Variants in ANLN observed in about 807,000 individuals in gnomAD.
The protein encoded by ANLN is anillin.
ANLN carries 59 observed loss-of-function variants against 135.1 expected under a neutral mutation model. The ratio of observed to expected loss-of-function variants is 0.44; its 90% CI spans 0.35 to 0.54. The LOEUF is 0.54. Among genes scored for constraint, ANLN ranks in the 20% least tolerant of loss-of-function variants. The probability of loss-of-function intolerance (pLI) is 0.00; values close to 1 mark genes in which losing one functional copy is unlikely to be tolerated. For missense variants in ANLN, 1,182 were observed against 1,340.0 expected (o/e 0.88, Z 1.84); for synonymous variants, 406 against 456.4 (o/e 0.89, Z 1.41).
intron 3 of ANLN, among the ~76,000 whole-genome samples, chr7:36,400,422 C>T (rs1786896128): frequency 6.6e-6 from 1 of 152,072 alleles, no homozygotes; most frequent in Admixed American, 6.5e-5. Flanking sequence ...TGCAGCAGCA[C>T]AGTCTTGGCT....
At chr7:36,390,818 T>C (rs577968486) in intron 1 of ANLN, among the ~76,000 whole-genome samples, 1 of 145,022 alleles carries the variant, frequency 6.9e-6, no homozygotes, top group East Asian at 2.0e-4. Context: ...TAGTTTTAGC[T>C]TTTGTGGAGA....
chr7:36,422,481 C>T (rs1787916566), intron 13 of ANLN, 152 bp from the exon 14 acceptor site: 1 of 677,994 alleles, frequency 1.5e-6, no homozygotes, highest in Non-Finnish European at 2.3e-6. Context: ...CCAAGGTTTT[C>T]CCCAACCACC....
At chr7:36,403,657 A>G (rs1013634430) in intron 3 of ANLN, 1 of 151,644 alleles carries the variant, frequency 6.6e-6, no homozygotes, top group Non-Finnish European at 1.5e-5. Context: ...GGGGATGTTT[A>G]TTTTTTTTGA....
chr7:36,406,234 G>C lies in ANLN; in HGVS notation c.541G>C (p.Ala181Pro). 2 of 1,613,368 alleles carry C rather than the reference G, an allele frequency of 1.2e-6. No homozygotes were observed. The highest frequency in any genetic ancestry group is 2.2e-5 in the South Asian group (2 of 91,068). The change falls in exon 4 of 24, where the codon GCT becomes CCT. Residue 181 changes from alanine (A) to proline (P), a missense_variant. This residue lies in a region of ANLN where 1,022 missense variants were observed against 1,134.0 expected (regional missense o/e 0.90). Transcript: ENST00000265748. ...FSPMPSEEKAASPPRPLLSNA... is the reference protein window; with the variant it reads ...FSPMPSEEKAPSPPRPLLSNA... ...ACCAATGCCATCAGAGGAAAAGGCT[G>C]CTTCCCCTCCCAGACCTCTGCTTTC... is the stretch of plus-strand genomic sequence containing the variant.
chr7:36,442,783 C>T lies in ANLN; in HGVS notation c.2971-972C>T, dbSNP rs1032917614. Among the ~76,000 whole-genome samples the T allele has an allele frequency of 3.9e-5, 6 of 152,050 alleles. No individual in the cohort carries two copies. In the South Asian group the frequency reaches 6.2e-4, roughly 16 times the overall value. On this transcript the variant is annotated intron_variant, in intron 21 of 23. Transcript: ENST00000265748. The stretch of plus-strand genomic sequence containing the variant: ...AGTAGCTGAGACTACAGATGCTCAC[C>T]GCCACGCCTGGCTAATTTTTGTATT...
At chr7:36,400,188 C>G (rs1200564027) in intron 3 of ANLN, among the ~76,000 whole-genome samples, 2 of 152,178 alleles carry the variant, frequency 1.3e-5, no homozygotes, top group Non-Finnish European at 2.9e-5. Flanking sequence ...ACATGACTAA[C>G]AAGCTAAAAG....
At chr7:36,452,167 C>T (rs1668169449) in intron 23 of ANLN, among the ~76,000 whole-genome samples, 1 of 152,162 alleles carries the variant, frequency 6.6e-6, no homozygotes, top group South Asian at 2.1e-4. Context: ...TGCCCACACT[C>T]AGTGGGTGTC....
chr7:36,414,206 C>T (rs1438331847), intron 7 of ANLN, among the ~76,000 whole-genome samples: 1 of 152,100 alleles, frequency 6.6e-6, no homozygotes, highest in Non-Finnish European at 1.5e-5. Context: ...GCAAGAGGAG[C>T]AGAGCCAGTG....
At chr7:36,434,062 A>T (rs973906963) in intron 20 of ANLN, among the ~76,000 whole-genome samples, 1 of 151,706 alleles carries the variant, frequency 6.6e-6, no homozygotes, top group Non-Finnish European at 1.5e-5. Flanking sequence ...ACTTTTTCAC[A>T]TGTCTTGTAA....
At position 36,389,862 on chromosome 7, in the gene ANLN, G is replaced by A. The variant is rs1051586684; in HGVS notation, c.-165G>A. ...TCAAATTTGAACGGCTGCAGAGGCC[G>A]AGTCCGTCACTGGAAGCCGAGAGGA... is the stretch of plus-strand genomic sequence containing the variant. On this transcript the variant is annotated 5_prime_UTR_variant, in exon 1 of 24. Coordinates refer to ENST00000265748, the MANE Select transcript of ANLN (RefSeq NM_018685.5). 1.6e-6 allele frequency: 2 copies of A among 1,281,514 alleles called. No homozygotes were observed. Among genetic ancestry groups the A allele is most frequent in the Non-Finnish European group, 2.2e-6 (2 of 907,160 alleles). 79.4% of individuals were successfully genotyped at this position (1,281,514 alleles called of 1,614,324 possible).
rs759018899 is a variant in ANLN, at chr7:36,406,580, A to G, written c.873+14A>G. 8 of 1,478,768 alleles carry G rather than the reference A, an allele frequency of 5.4e-6. No individual in the cohort carries two copies. The highest frequency in any genetic ancestry group is 1.8e-6 in the Non-Finnish European group (2 of 1,116,792). The allele number at this position is 1,478,768 out of a possible 1,614,324, so 91.6% of individuals were successfully genotyped here. On this transcript the variant is annotated intron_variant, in intron 4 of 23. Transcript: ENST00000265748. ...TCCAGCTCTGTGGTAAGTCAGTATC[A>G]TTTTGGTCTTTGGAAGCCTTTTCTT...
intron 12 of ANLN, 129 bp downstream of exon 12, chr7:36,420,873 A>T: frequency 1.2e-6 from 1 of 813,632 alleles, no homozygotes. Context: ...GATGCATAGA[A>T]GCTCAGTAAA....
chr7:36,443,649 A>G, intron 21 of ANLN, 106 bp from the exon 22 acceptor site: 1 of 641,058 alleles, frequency 1.6e-6, no homozygotes, highest in East Asian at 2.9e-5. Context: ...AGGTTTTGAG[A>G]TATGAAATAT....
rs768257143 is a variant in ANLN at position 36,420,665 on chromosome 7, G to A, written c.2084G>A (p.Arg695Gln). Residue 695 changes from arginine (R) to glutamine (Q), a missense_variant, in exon 12 of 24, where the codon CGG (arginine) becomes CAG (glutamine). Arg to Gln is a conservative substitution (Grantham distance 43, BLOSUM62 1). This residue lies in a region of ANLN where 1,022 missense variants were observed against 1,134.0 expected (regional missense o/e 0.90). Coordinates refer to ENST00000265748, the MANE Select transcript of ANLN (RefSeq NM_018685.5). ...ERPSIKQVIVRKEDVTSKLDE... is the reference protein window; with the variant it reads ...ERPSIKQVIVQKEDVTSKLDE... Reference sequence around the variant, plus strand: ...CCATCAATAAAGCAGGTGATTGTTCGGAAGGAAGATGTTACTTCAAAACTG... The same window carrying A: ...CCATCAATAAAGCAGGTGATTGTTCAGAAGGAAGATGTTACTTCAAAACTG... 6.2e-6 allele frequency: 10 copies of A among 1,613,172 alleles called. No individual in the cohort carries two copies. Among genetic ancestry groups the A allele is most frequent in the African/African-American group, 5.3e-5 (4 of 74,878 alleles).
At chr7:36,427,785 T>C (rs1188578290) in intron 20 of ANLN, among the ~76,000 whole-genome samples, 1 of 152,256 alleles carries the variant, frequency 6.6e-6, no homozygotes, top group Non-Finnish European at 1.5e-5. Context: ...TACTTCCCTT[T>C]CATATTAGAA....
At chr7:36,417,984 C>T (rs1435896778) in intron 9 of ANLN, among the ~76,000 whole-genome samples, 1 of 152,074 alleles carries the variant, frequency 6.6e-6, no homozygotes, top group Non-Finnish European at 1.5e-5. Flanking sequence ...CCAGGGCTCT[C>T]AAACTTCTAA....
Position 36,390,751 on chromosome 7 carries a change from C to A in ANLN, c.18+707C>A, listed in dbSNP as rs148514977. Among the ~76,000 whole-genome samples, 220 of 152,318 alleles carry A rather than the reference C, an allele frequency of 1.4e-3. 1 individual carries two copies. The highest frequency in any genetic ancestry group is 5.0e-3 in the African/African-American group (209 of 41,580). On this transcript the variant is annotated intron_variant, in intron 1 of 23. Transcript: ENST00000265748. ...GGGCATATCATTACAGTACTTATTT[C>A]ATCTTTTGTTCCTTTGAGATTGCAT... is the stretch of plus-strand genomic sequence containing the variant.
Position 36,452,528 on chromosome 7 carries a change from A to T in ANLN, c.3303A>T (p.Lys1101Asn). Residue 1101 changes from lysine to asparagine, a missense_variant, in exon 24 of 24, where the codon AAA (lysine) becomes AAT (asparagine). This residue lies in a region of ANLN where 78 missense variants were observed against 72.7 expected (regional missense o/e 1.07). Coordinates refer to ENST00000265748, the MANE Select transcript of ANLN (RefSeq NM_018685.5). ...TKEERDLWMQ[K>N]LNQVLVDIRL... ...AAGAGCGGGATCTCTGGATGCAAAA[A>T]CTCAATCAAGTTCTTGTTGATATTC... is the stretch of plus-strand genomic sequence containing the variant. The T allele has an allele frequency of 6.2e-7, 1 of 1,613,830 alleles. No individual in the cohort carries two copies. Among genetic ancestry groups the T allele is most frequent in the South Asian group, 1.1e-5 (1 of 91,076 alleles).
In ANLN at chr7:36,415,779, C is replaced by T. The variant is rs764493805; in HGVS notation, c.1417C>T (p.Pro473Ser). Reference sequence around the variant, plus strand: ...GCAGGAAACTCACTGTCAGAGCACTCCCCTCAAAAAACACCAAGGTGTTTC... The same window carrying T: ...GCAGGAAACTCACTGTCAGAGCACTTCCCTCAAAAAACACCAAGGTGTTTC... ...TKQETHCQST[P>S]LKKHQGVSKT... Residue 473 changes from proline (P) to serine (S), a missense_variant, in exon 8 of 24, where the codon CCC (proline) becomes TCC (serine). By Grantham distance (74) the Pro-to-Ser change is moderately conservative (BLOSUM62 -1). Coordinates refer to ENST00000265748, the MANE Select transcript of ANLN (RefSeq NM_018685.5). 6.2e-7 allele frequency: 1 copy of T among 1,602,510 alleles called. No individual in the cohort carries two copies. Among genetic ancestry groups the T allele is most frequent in the Admixed American group, 1.7e-5 (1 of 57,182 alleles).
Sources: allele counts gnomAD v4.1 joint callset (sites outside exome capture counted in the v4.1 genomes callset), GRCh38; gene constraint gnomAD v4.1.1; regional missense constraint gnomAD v4.1.1; transcripts MANE v1.5; gene names NCBI Gene and HGNC (gene_info 2026-07-23, HGNC 2026-07-21).